Variants in ENOX2 observed in about 807,000 individuals in gnomAD.
The protein encoded by ENOX2 is ecto-NOX disulfide-thiol exchanger 2.
ENOX2 carries 36 observed loss-of-function variants against 45.0 expected under a neutral mutation model. That is an observed-to-expected ratio of 0.80 (90% CI 0.61 to 1.06). The LOEUF is 1.06. Ranked by LOEUF, ENOX2 falls within the 50% of genes least tolerant of loss-of-function variation. The pLI, the probability that ENOX2 is intolerant of heterozygous loss-of-function variation, is 0.00. For missense variants in ENOX2, 423 were observed against 462.5 expected, an observed-to-expected ratio of 0.91 and a Z score of 0.78; for synonymous variants, 174 against 152.3, an observed-to-expected ratio of 1.14 and a Z score of -1.05.
At chrX:130,702,207 A>C (rs1435062307) in intron 4 of ENOX2, among the ~76,000 whole-genome samples, 2 of 111,576 alleles carry the variant, frequency 1.8e-5, no homozygotes, top group Non-Finnish European at 3.8e-5. Flanking sequence ...GCATTACTCT[A>C]AATCTGTTTC....
At chrX:130,637,554 C>T in intron 10 of ENOX2, 144 bp from the exon 11 acceptor site, 1 of 441,205 alleles carries the variant, frequency 2.3e-6, no homozygotes, top group Non-Finnish European at 3.8e-6. Flanking sequence ...TACAAAAGCA[C>T]ACAGGCCTGT....
At chrX:130,719,726 A>G (rs1293195440) in intron 3 of ENOX2, among the ~76,000 whole-genome samples, 1 of 112,071 alleles carries the variant, frequency 8.9e-6, no homozygotes, top group Non-Finnish European at 1.9e-5. Context: ...CATTAGGGAA[A>G]GAAATGCAAT....
chrX:130,868,918 C>A (rs2078530409), intron 2 of ENOX2, among the ~76,000 whole-genome samples: 1 of 111,455 alleles, frequency 9.0e-6, no homozygotes, highest in Non-Finnish European at 1.9e-5. Flanking sequence ...TGAACTTCTT[C>A]CTCTTCCTAC....
At chrX:130,667,469 G>T in intron 8 of ENOX2, 61 bp downstream of exon 8, 3 of 1,068,820 alleles carry the variant, frequency 2.8e-6, no homozygotes, top group Admixed American at 4.4e-5. Context: ...CTCCCATAGA[G>T]AGCAAGTGAC....
chrX:130,742,752 T>C (rs1159431491), intron 3 of ENOX2, among the ~76,000 whole-genome samples: 1 of 112,096 alleles, frequency 8.9e-6, no homozygotes, highest in East Asian at 2.8e-4. Flanking sequence ...TAAGTAGCAT[T>C]GCCAGGACTT....
At chrX:130,771,736 C>T (rs2039746337) in intron 3 of ENOX2, among the ~76,000 whole-genome samples, 1 of 111,960 alleles carries the variant, frequency 8.9e-6, no homozygotes, top group African/African-American at 3.2e-5. Flanking sequence ...GATCAAATCA[C>T]TTCCTTCTTC....
At chrX:130,633,134 G>A (rs757621025) in intron 12 of ENOX2, among the ~76,000 whole-genome samples, 1 of 111,833 alleles carries the variant, frequency 8.9e-6, no homozygotes, top group Non-Finnish European at 1.9e-5. Flanking sequence ...TTTACTAGCA[G>A]ATTTAAAGAG....
At chrX:130,630,857 G>A (rs2035681627) in intron 13 of ENOX2, among the ~76,000 whole-genome samples, 1 of 111,046 alleles carries the variant, frequency 9.0e-6, no homozygotes, top group African/African-American at 3.3e-5. Context: ...CTCTAACTTT[G>A]GGTAGTGAGT....
chrX:130,732,230 T>C (rs185412931), intron 3 of ENOX2, among the ~76,000 whole-genome samples: 33 of 111,991 alleles, frequency 2.9e-4, no homozygotes, highest in African/African-American at 1.0e-3. Context: ...AGAGAAATTA[T>C]GAAAACAATT....
At chrX:130,714,706 A>C (rs1229997802) in intron 3 of ENOX2, among the ~76,000 whole-genome samples, 1 of 111,802 alleles carries the variant, frequency 8.9e-6, no homozygotes, top group Admixed American at 9.5e-5. Context: ...ACCCAGGTGA[A>C]AACTACATGT....
chrX:130,866,068 G>A (rs2078489248), intron 2 of ENOX2, among the ~76,000 whole-genome samples: 1 of 111,330 alleles, frequency 9.0e-6, no homozygotes, highest in Non-Finnish European at 1.9e-5. Flanking sequence ...TAATAACCTA[G>A]TCATCATCAA....
intron 2 of ENOX2, among the ~76,000 whole-genome samples, chrX:130,874,084 A>T (rs2078651357): frequency 8.9e-6 from 1 of 111,977 alleles, no homozygotes. Flanking sequence ...AATTTTTAAA[A>T]GCTAGAGGCA....
At chrX:130,740,163 G>A (rs920503612) in intron 3 of ENOX2, among the ~76,000 whole-genome samples, 2 of 112,140 alleles carry the variant, frequency 1.8e-5, no homozygotes, top group Non-Finnish European at 3.8e-5. Context: ...AGCTTTGGGA[G>A]GCCGAGGTGG....
At chrX:130,651,098 T>G (rs941810637) in intron 10 of ENOX2, among the ~76,000 whole-genome samples, 1 of 110,773 alleles carries the variant, frequency 9.0e-6, no homozygotes, top group Non-Finnish European at 1.9e-5. Flanking sequence ...GAACAAAGAG[T>G]GGGAAGAAAG....
chrX:130,819,807 C>T (rs1324582674), intron 2 of ENOX2, among the ~76,000 whole-genome samples: 2 of 111,081 alleles, frequency 1.8e-5, no homozygotes, highest in African/African-American at 6.6e-5. Context: ...CACGTGTATA[C>T]CTATATAACA....
At chrX:130,735,133 G>A (rs2038829243) in intron 3 of ENOX2, among the ~76,000 whole-genome samples, 1 of 112,194 alleles carries the variant, frequency 8.9e-6, no homozygotes, top group Admixed American at 9.4e-5. Context: ...AGAATCTTGG[G>A]TTTCCAAGTA....
At chrX:130,717,851 C>A (rs2038369379) in intron 3 of ENOX2, among the ~76,000 whole-genome samples, 1 of 111,763 alleles carries the variant, frequency 8.9e-6, no homozygotes, top group African/African-American at 3.3e-5. Flanking sequence ...CTAATCGCTT[C>A]CATCTCCCCT....
chrX:130,674,701 C>T (rs1349211056), intron 6 of ENOX2, among the ~76,000 whole-genome samples: 1 of 108,872 alleles, frequency 9.2e-6, no homozygotes, highest in Non-Finnish European at 1.9e-5. Context: ...ATGTGCCATG[C>T]TGGTGCGCTG....
At chrX:130,838,254 T>C (rs2077960222) in intron 2 of ENOX2, among the ~76,000 whole-genome samples, 1 of 111,471 alleles carries the variant, frequency 9.0e-6, no homozygotes, top group South Asian at 3.8e-4. Context: ...TAGTGGTGCA[T>C]GCCTGTAATC....
Sources: allele counts gnomAD v4.1 joint callset (sites outside exome capture counted in the v4.1 genomes callset), GRCh38; gene constraint gnomAD v4.1.1; transcripts MANE v1.5; gene names NCBI Gene and HGNC (gene_info 2026-07-23, HGNC 2026-07-21).